The following RASEF variants were observed in gnomAD, a reference collection of about 807,000 sequenced individuals.
The protein encoded by RASEF is ras and EF-hand domain-containing protein.
A neutral mutation model predicts 90.1 loss-of-function variants in RASEF; 68 were observed. The ratio of observed to expected loss-of-function variants is 0.75; its 90% CI spans 0.62 to 0.92. The LOEUF (loss-of-function observed/expected upper bound fraction) is 0.92, where lower values mean the gene tolerates loss of function less well. RASEF is among the 40% of genes least tolerant of loss of function. RASEF has a pLI of 0.00. For missense variants in RASEF, 949 were observed against 937.2 expected, an observed-to-expected ratio of 1.01 and a Z score of -0.16; for synonymous variants, 331 against 345.2, an observed-to-expected ratio of 0.96 and a Z score of 0.46.
At chr9:83,214,768 G>A in the RASEF span, among the ~76,000 whole-genome samples, 4 of 151,762 alleles carry the variant, frequency 2.6e-5, no homozygotes, top group Non-Finnish European at 4.4e-5. Context: ...TTCCTCCTTC[G>A]CCTTCCACCA....
In RASEF at chr9:83,000,154, A is replaced by C. The variant is rs1829001073; in HGVS notation, c.1723+15T>G. 10 of 1,609,524 alleles carry C rather than the reference A, an allele frequency of 6.2e-6. No individual in the cohort carries two copies. In the East Asian group the frequency reaches 2.2e-4, roughly 36 times the overall value. Reference sequence around the variant, plus strand: ...AAGGTCATTTTCCCATTATCAACCGAAATACGAGCCATACCCAGGGTGGCG... The same window carrying C: ...AAGGTCATTTTCCCATTATCAACCGCAATACGAGCCATACCCAGGGTGGCG... On this transcript the variant is annotated intron_variant, in intron 12 of 16. Coordinates refer to ENST00000376447, the MANE Select transcript of RASEF (RefSeq NM_152573.4).
At chr9:83,173,049 C>T in the RASEF span, among the ~76,000 whole-genome samples, 4 of 151,946 alleles carry the variant, frequency 2.6e-5, no homozygotes, top group Admixed American at 1.3e-4. Context: ...TTTCCTTCAG[C>T]GTTTTGAATC....
the RASEF span, among the ~76,000 whole-genome samples, chr9:83,073,732 C>T: frequency 6.6e-6 from 1 of 152,224 alleles, no homozygotes; most frequent in Non-Finnish European, 1.5e-5. Context: ...ATCTGACTTA[C>T]TCTTCTCTCA....
the RASEF span, among the ~76,000 whole-genome samples, chr9:83,108,570 A>G: frequency 1.3e-5 from 2 of 152,194 alleles, no homozygotes; most frequent in East Asian, 3.8e-4. Flanking sequence ...CTAAGAGATT[A>G]TCTCCCCAAG....
the RASEF span, among the ~76,000 whole-genome samples, chr9:83,133,518 C>T: frequency 0.034 from 5,173 of 152,078 alleles, 271 homozygotes; most frequent in African/African-American, 0.12. Flanking sequence ...ATGAATACGT[C>T]GAATGATCTA....
chr9:83,179,270 C>T, the RASEF span, among the ~76,000 whole-genome samples: 1 of 152,058 alleles, frequency 6.6e-6, no homozygotes, highest in Non-Finnish European at 1.5e-5. Flanking sequence ...AGCATTAGTA[C>T]ACCTACCATA....
chr9:83,030,658 C>T (rs1040114303), intron 1 of RASEF, among the ~76,000 whole-genome samples: 6 of 152,148 alleles, frequency 3.9e-5, no homozygotes, highest in African/African-American at 1.4e-4. Context: ...ACCACGGAAA[C>T]TCAACTATCT....
At chr9:82,999,660 G>A (rs547251124) in intron 12 of RASEF, among the ~76,000 whole-genome samples, 14 of 151,498 alleles carry the variant, frequency 9.2e-5, no homozygotes, top group South Asian at 8.4e-4. Context: ...CTGAAGTGCA[G>A]TGGTGTGATC....
chr9:83,025,989 TAAGA>T (rs1026178301), intron 1 of RASEF, 68 bp from the exon 2 acceptor site: 1 of 1,142,276 alleles, frequency 8.8e-7, no homozygotes, highest in African/African-American at 1.6e-5. Flanking sequence ...AGGGGGCTTT[TAAGA>T]AAGAGAAACA....
the RASEF span, among the ~76,000 whole-genome samples, chr9:83,176,403 T>C: frequency 1.3e-5 from 2 of 152,174 alleles, no homozygotes; most frequent in African/African-American, 2.4e-5. Context: ...TTCCTATAGA[T>C]AGCATATAGT....
chr9:83,000,987 T>A lies in RASEF; in HGVS notation c.1346A>T (p.Tyr449Phe), dbSNP rs775995371. The A allele has an allele frequency of 2.5e-6, 4 of 1,614,140 alleles. No homozygotes were observed. The South Asian group carries it at 4.4e-5, about 18-fold the overall frequency. Residue 449 changes from tyrosine (Y) to phenylalanine (F), a missense_variant, in exon 10 of 17, where the codon TAT becomes TTT. Transcript: ENST00000376447. Reference sequence around the variant, plus strand: ...GTGCTTGTATTCCACTTCTGAGTCATACTCATTGGGATCTCTCAAGGTAGA... The same window carrying A: ...GTGCTTGTATTCCACTTCTGAGTCAAACTCATTGGGATCTCTCAAGGTAGA... ...GLSTLRDPNE[Y>F]DSEVEYKHQR...
the RASEF span, among the ~76,000 whole-genome samples, chr9:83,082,868 G>T: frequency 1.3e-5 from 2 of 152,168 alleles, no homozygotes; most frequent in Non-Finnish European, 2.9e-5. Context: ...TAGAAAGAGG[G>T]ATGACACTGG....
the RASEF span, among the ~76,000 whole-genome samples, chr9:83,143,017 A>G: frequency 3.3e-5 from 5 of 152,202 alleles, no homozygotes; most frequent in Admixed American, 3.3e-4. Context: ...TCTTTAATTT[A>G]TGCTGATTAA....
Position 83,032,768 on chromosome 9 carries a change from C to T in RASEF, c.432-6847G>A, listed in dbSNP as rs370734425. On this transcript the variant is annotated intron_variant, in intron 1 of 16. Transcript: ENST00000376447. ...CATTGAAGCTGAGAGGGAAATTATA[C>T]GTACTTGAAGAGAAAACAGGTATAC... Among the ~76,000 whole-genome samples the T allele has an allele frequency of 5.3e-5, 8 of 152,118 alleles. No individual in the cohort carries two copies. The East Asian group carries it at 5.8e-4, about 11-fold the overall frequency.
chr9:83,101,145 C>A, the RASEF span, among the ~76,000 whole-genome samples: 1 of 152,182 alleles, frequency 6.6e-6, no homozygotes, highest in Non-Finnish European at 1.5e-5. Flanking sequence ...GAGGAAGCTA[C>A]AAAAGCATTA....
At chr9:83,207,602 T>G in the RASEF span, among the ~76,000 whole-genome samples, 1 of 97,532 alleles carries the variant, frequency 1.0e-5, no homozygotes, top group Middle Eastern at 3.7e-3. Context: ...GGGCTGCTTT[T>G]TTTTTTTTTT....
At chr9:83,151,400 C>T in the RASEF span, among the ~76,000 whole-genome samples, 2 of 152,048 alleles carry the variant, frequency 1.3e-5, no homozygotes, top group Admixed American at 6.6e-5. Context: ...GGACCAGAAA[C>T]GGGCTGTGTT....
the RASEF span, among the ~76,000 whole-genome samples, chr9:83,140,968 C>T: frequency 6.6e-6 from 1 of 151,804 alleles, no homozygotes; most frequent in South Asian, 2.1e-4. Context: ...CATGGTGAAA[C>T]CCTGTCTCTA....
At chr9:83,200,707 C>T in the RASEF span, among the ~76,000 whole-genome samples, 1 of 152,320 alleles carries the variant, frequency 6.6e-6, no homozygotes, top group South Asian at 2.1e-4. Flanking sequence ...GTGTTCACTG[C>T]TGTATCCCCA....
Sources: allele counts gnomAD v4.1 joint callset (sites outside exome capture counted in the v4.1 genomes callset), GRCh38; gene constraint gnomAD v4.1.1; transcripts MANE v1.5; gene names NCBI Gene and HGNC (gene_info 2026-07-23, HGNC 2026-07-21).